Variants in CCDC9 observed in about 807,000 individuals in gnomAD.
CCDC9 encodes coiled-coil domain containing 9, also known as coiled-coil domain-containing protein 9.
CCDC9 carries 52 observed loss-of-function variants against 65.6 expected under a neutral mutation model. The ratio of observed to expected loss-of-function variants is 0.79; its 90% CI spans 0.63 to 1.00. The LOEUF (loss-of-function observed/expected upper bound fraction) is 1.00, where lower values mean the gene tolerates loss of function less well. CCDC9 is among the 50% of genes least tolerant of loss of function. The pLI, the probability that CCDC9 is intolerant of heterozygous loss-of-function variation, is 0.00. For missense variants in CCDC9, 834 were observed against 757.2 expected, an observed-to-expected ratio of 1.10 and a Z score of -1.19; for synonymous variants, 332 against 280.3, an observed-to-expected ratio of 1.18 and a Z score of -1.84.
chr19:47,275,549 G>A (rs750208978), downstream of CCDC9: 45 of 672,374 alleles, frequency 6.7e-5, no homozygotes, highest in Non-Finnish European at 1.1e-4. Context: ...GGTCAGGCCG[G>A]GTCCTCCACC....
chr19:47,271,466 T>C lies in CCDC9; in HGVS notation c.1384T>C (p.Cys462Arg). The C allele has an allele frequency of 6.2e-7, 1 of 1,613,088 alleles. No homozygotes were observed. Among genetic ancestry groups the C allele is most frequent in the South Asian group, 1.1e-5 (1 of 91,000 alleles). The change falls in exon 12 of 12, where the codon TGC becomes CGC. Residue 462 changes from cysteine to arginine, a missense_variant. Coordinates refer to ENST00000221922, the MANE Select transcript of CCDC9 (RefSeq NM_015603.3). The stretch of plus-strand genomic sequence containing the variant: ...AGAGGCTGCCCCCACCGGGATCCCC[T>C]GCAGTGAGCAGGCCCACGGAGTCCC... ...APEAAPTGIP[C>R]SEQAHGVPFS...
chr19:47,262,463 C>T (rs1031196206), intron 5 of CCDC9, among the ~76,000 whole-genome samples: 13 of 151,986 alleles, frequency 8.6e-5, no homozygotes, highest in African/African-American at 2.4e-4. Flanking sequence ...GTGATCCTAC[C>T]GCCTCGGCCT....
In CCDC9 at chr19:47,260,304, C is replaced by A; in HGVS notation, c.109-17C>A. The A allele has an allele frequency of 1.3e-6, 2 of 1,550,296 alleles. No individual in the cohort carries two copies. Among genetic ancestry groups the A allele is most frequent in the South Asian group, 1.2e-5 (1 of 84,906 alleles). ...CAGGGCACCTGATGCTTCCCTACCC[C>A]GGCTGTCTGCTCCTAGGAGATTGAG... On this transcript the variant is annotated splice_polypyrimidine_tract_variant and intron_variant, in intron 3 of 11. Transcript: ENST00000221922.
At chr19:47,274,227 A>T (rs3745606), downstream of CCDC9, among the ~76,000 whole-genome samples, 10 of 150,788 alleles carry the variant, frequency 6.6e-5, no homozygotes, top group East Asian at 4.0e-4. Flanking sequence ...GCGGGCTGAG[A>T]GTGTGCTGGA....
downstream of CCDC9, chr19:47,275,179 C>T (rs1000936321): frequency 8.9e-6 from 13 of 1,465,816 alleles, no homozygotes; most frequent in African/African-American, 1.5e-5. Context: ...CCTGTCCCGG[C>T]GCCCGCCGCT....
rs1461747185 is a variant in CCDC9, at chr19:47,264,668, G to A, written c.528G>A (p.Glu176=). ...KMNEEMEKIA[E]YERNQREGVL... is the part of the protein sequence containing the mutation. ...ATGAGGAGATGGAGAAGATCGCCGA[G>A]TATGAGCGCAACCAGCGGGTCAGTG... Residue 176 remains glutamate (E), a synonymous_variant, in exon 6 of 12, where the codon GAG becomes GAA. Coordinates refer to ENST00000221922, the MANE Select transcript of CCDC9 (RefSeq NM_015603.3). 5.0e-6 allele frequency: 8 copies of A among 1,605,220 alleles called. No individual in the cohort carries two copies. The highest frequency in any genetic ancestry group is 6.8e-6 in the Non-Finnish European group (8 of 1,176,116).
At position 47,271,689 on chromosome 19, in the gene CCDC9, CTGTGTGTGTGTGTGTGTGTGTGTGTGTG is replaced by C; in HGVS notation, c.*28_*55del. 3 of 1,125,996 alleles carry C rather than the reference CTGTGTGTGTGTGTGTGTGTGTGTGTGTG, an allele frequency of 2.7e-6. No homozygotes were observed. The highest frequency in any genetic ancestry group is 3.7e-6 in the Non-Finnish European group (3 of 803,498). The allele number at this position is 1,125,996 out of a possible 1,614,324, so 69.8% of individuals were successfully genotyped here. ...TTTGAGAGTGTATGAAGCTGGCTGC[CTGTGTGTGTGTGTGTGTGTGTGTGTGTG>C]TGTGTGTGTGTGTGTGCGCGCGCGC... On this transcript the variant is annotated 3_prime_UTR_variant, in exon 12 of 12. Transcript: ENST00000221922.
At chr19:47,262,199 C>A (rs1453405905) in intron 5 of CCDC9, among the ~76,000 whole-genome samples, 1 of 148,244 alleles carries the variant, frequency 6.7e-6, no homozygotes, top group Non-Finnish European at 1.5e-5. Flanking sequence ...ACTCAGGGAC[C>A]CAGGTTCCTG....
downstream of CCDC9, chr19:47,274,399 G>T (rs925204083): frequency 7.7e-4 from 117 of 152,404 alleles, no homozygotes; most frequent in Middle Eastern, 0.01. Context: ...TGTCGCGCGG[G>T]AACCCGCGCG....
downstream of CCDC9, chr19:47,274,813 C>T: frequency 1.4e-6 from 1 of 723,722 alleles, no homozygotes; most frequent in South Asian, 7.7e-5. Context: ...GGGGGCGGGG[C>T]CGGAGGCGGG....
chr19:47,266,910 C>T lies in CCDC9; in HGVS notation c.902+118C>T, dbSNP rs891061385. Reference sequence around the variant, plus strand: ...GTATGAGTGAGTGACTGCCAAGTATCCTGAGATGCCATGGACCAGCTGCTG... The same window carrying T: ...GTATGAGTGAGTGACTGCCAAGTATTCTGAGATGCCATGGACCAGCTGCTG... On this transcript the variant is annotated intron_variant, in intron 8 of 11. Transcript: ENST00000221922. 24 of 1,213,606 alleles carry T rather than the reference C, an allele frequency of 2.0e-5. No homozygotes were observed. The African/African-American group carries it at 3.4e-4, about 17-fold the overall frequency. 75.2% of individuals were successfully genotyped at this position (1,213,606 alleles called of 1,614,324 possible). A position where few individuals can be genotyped will look rare whatever the true frequency, so the allele number is the denominator to read the frequency against.
intron 11 of CCDC9, 25 bp from the exon 12 acceptor site, chr19:47,271,249 C>T (rs373396712): frequency 9.8e-5 from 157 of 1,610,172 alleles, no homozygotes; most frequent in Non-Finnish European, 1.3e-4. Context: ...CTGTGCCTTG[C>T]CCTGACTTGC....
At chr19:47,257,393 G>C (rs1264911517) in intron 1 of CCDC9, 3 of 151,272 alleles carry the variant, frequency 2.0e-5, no homozygotes, top group Non-Finnish European at 2.9e-5. Context: ...GGAAAGTCGG[G>C]AGCGGGGCCA....
chr19:47,275,461 G>A (rs2059154077), downstream of CCDC9: 12 of 1,373,806 alleles, frequency 8.7e-6, no homozygotes, highest in Middle Eastern at 2.3e-4. Context: ...ATCGCTCAGC[G>A]TCTCTGGAGC....
chr19:47,260,814 C>T lies in CCDC9; in HGVS notation c.437C>T (p.Thr146Ile). The change falls in exon 5 of 12, where the codon ACC becomes ATC. Residue 146 changes from threonine (T) to isoleucine (I), a missense_variant. Thr to Ile is a moderately conservative substitution (Grantham distance 89). Coordinates refer to ENST00000221922, the MANE Select transcript of CCDC9 (RefSeq NM_015603.3). ...CCTCACCTCTCTGGAGCTGGAGACA[C>T]CTCAATCTCTGACCGTAAATCCAAG... ...GSPHLSGAGD[T>I]SISDRKSKEW... 1.9e-6 allele frequency: 3 copies of T among 1,613,160 alleles called. No homozygotes were observed. Among genetic ancestry groups the T allele is most frequent in the Non-Finnish European group, 1.7e-6 (2 of 1,179,606 alleles).
chr19:47,268,908 A>G (rs1472236486), intron 8 of CCDC9, among the ~76,000 whole-genome samples: 1 of 149,730 alleles, frequency 6.7e-6, no homozygotes. Context: ...ACAGAGAGAG[A>G]CTCCGTTTCA....
chr19:47,268,717 A>G (rs1159790456), intron 8 of CCDC9, among the ~76,000 whole-genome samples: 1 of 151,840 alleles, frequency 6.6e-6, no homozygotes, highest in Non-Finnish European at 1.5e-5. Flanking sequence ...GGAGATCAAA[A>G]CCATCCTGGC....
chr19:47,274,190 G>T (rs1395176972), downstream of CCDC9, among the ~76,000 whole-genome samples: 1 of 152,196 alleles, frequency 6.6e-6, no homozygotes, highest in Non-Finnish European at 1.5e-5. Flanking sequence ...GGAACCTCGG[G>T]GCCTGAGGTG....
At chr19:47,275,387 G>A, downstream of CCDC9, 1 of 1,526,286 alleles carries the variant, frequency 6.6e-7, no homozygotes, top group Non-Finnish European at 8.8e-7. Flanking sequence ...CAGCCCTCGA[G>A]AGCTCTGTGC....
Sources: gnomAD v4.1 joint callset for allele counts (sites outside exome capture counted in the v4.1 genomes callset) on GRCh38, gnomAD v4.1.1 for gene constraint, MANE v1.5 for transcripts, NCBI Gene and HGNC (gene_info 2026-07-23, HGNC 2026-07-21) for gene names.